CCDC181: variants seen among roughly 807,000 people sequenced by gnomAD.
CCDC181 encodes coiled-coil domain containing 181, also known as coiled-coil domain-containing protein 181.
A neutral mutation model predicts 58.7 loss-of-function variants in CCDC181; 35 were observed. The observed-to-expected ratio is 0.60, with a 90% CI of 0.46 to 0.79. The LOEUF (loss-of-function observed/expected upper bound fraction) is 0.79, where lower values mean the gene tolerates loss of function less well. CCDC181 is among the 30% of genes least tolerant of loss of function. CCDC181 has a pLI of 0.00. For missense variants in CCDC181, 517 were observed against 583.9 expected (o/e 0.89, Z 1.18); for synonymous variants, 183 against 197.5 (o/e 0.93, Z 0.62).
chr1:169,452,485 G>A (rs1295826108), intron 2 of CCDC181: 2 of 152,086 alleles, frequency 1.3e-5, no homozygotes, highest in East Asian at 3.9e-4. Flanking sequence ...GCAGGAGGTA[G>A]AATGGCACAG....
At chr1:169,406,308 A>G (rs1655653207) in intron 4 of CCDC181, among the ~76,000 whole-genome samples, 1 of 152,246 alleles carries the variant, frequency 6.6e-6, no homozygotes, top group South Asian at 2.1e-4. Context: ...TATATACCCA[A>G]AGGATTATAA....
rs1178593693 is a variant in CCDC181, at chr1:169,421,977, G to A, written c.454C>T (p.Leu152Phe). 2 of 1,613,910 alleles carry A rather than the reference G, an allele frequency of 1.2e-6. No individual in the cohort carries two copies. Among genetic ancestry groups the A allele is most frequent in the Admixed American group, 3.3e-5 (2 of 59,952 alleles). Reference sequence around the variant, plus strand: ...TCAACTAACTGGTCCTTGAACTTAAGTTTTCGCTCCCTTTTATCATTCACC... The same window carrying A: ...TCAACTAACTGGTCCTTGAACTTAAATTTTCGCTCCCTTTTATCATTCACC... Reference protein sequence around the residue: ...EPVNDKRERKLKFKDQLVDLE... With the variant: ...EPVNDKRERKFKFKDQLVDLE... The change falls in exon 3 of 6, where the codon CTT becomes TTT. Residue 152 changes from leucine (L) to phenylalanine (F), a missense_variant. Coordinates refer to ENST00000367806, the MANE Select transcript of CCDC181 (RefSeq NM_001300969.2).
chr1:169,396,373 G>A (rs1655035638), intron 5 of CCDC181: 1 of 152,172 alleles, frequency 6.6e-6, no homozygotes, highest in African/African-American at 2.4e-5. Flanking sequence ...GAGCAACATG[G>A]TGAGACCCCA....
chr1:169,445,002 T>G (rs1348128221), intron 2 of CCDC181, among the ~76,000 whole-genome samples: 1 of 152,180 alleles, frequency 6.6e-6, no homozygotes, highest in African/African-American at 2.4e-5. Context: ...TCCTACATAA[T>G]CAGGCCCCTT....
intron 2 of CCDC181, among the ~76,000 whole-genome samples, chr1:169,423,532 A>G (rs1037999383): frequency 6.6e-6 from 1 of 151,960 alleles, no homozygotes; most frequent in Non-Finnish European, 1.5e-5. Flanking sequence ...AAAAGCCTCA[A>G]AAGAAGAGGT....
chr1:169,448,370 G>T (rs1161968351), intron 2 of CCDC181, among the ~76,000 whole-genome samples: 1 of 150,760 alleles, frequency 6.6e-6, no homozygotes, highest in Non-Finnish European at 1.5e-5. Flanking sequence ...GGGTAGATCT[G>T]CTTGCAATGA....
chr1:169,411,149 T>A (rs867871684), intron 4 of CCDC181, among the ~76,000 whole-genome samples: 5 of 151,722 alleles, frequency 3.3e-5, no homozygotes, highest in Middle Eastern at 3.4e-3. Flanking sequence ...TCCAGACTAA[T>A]AAAGAATAAA....
At position 169,404,305 on chromosome 1, in the gene CCDC181, C is replaced by T. The variant is rs571152615; in HGVS notation, c.1216-6914G>A. ...GAAAAAGAGGGAATCCTCCCTAACT[C>T]GTTATAAGGCCAGCATCATCCTGAT... is the stretch of plus-strand genomic sequence containing the variant. On this transcript the variant is annotated intron_variant, in intron 4 of 5. Coordinates refer to ENST00000367806, the MANE Select transcript of CCDC181 (RefSeq NM_001300969.2). Among the ~76,000 whole-genome samples the T allele has an allele frequency of 1.3e-4, 20 of 151,970 alleles. No homozygotes were observed. The South Asian group carries it at 4.2e-3, about 32-fold the overall frequency.
At chr1:169,436,279 A>G (rs12092506) in intron 2 of CCDC181, among the ~76,000 whole-genome samples, 6,804 of 152,292 alleles carry the variant, frequency 0.045, 212 homozygotes, top group East Asian at 0.12. Flanking sequence ...TAACTATCCC[A>G]AAGACAGTAT....
At chr1:169,451,672 T>A (rs1657542537) in intron 2 of CCDC181, among the ~76,000 whole-genome samples, 1 of 150,704 alleles carries the variant, frequency 6.6e-6, no homozygotes, top group South Asian at 2.1e-4. Context: ...AATACCCAGG[T>A]AACAAGCATA....
intron 2 of CCDC181, among the ~76,000 whole-genome samples, chr1:169,450,467 G>A (rs953188871): frequency 6.6e-6 from 1 of 152,072 alleles, no homozygotes; most frequent in Non-Finnish European, 1.5e-5. Context: ...GTTTCTCCAC[G>A]TTATGGTATG....
intron 2 of CCDC181, among the ~76,000 whole-genome samples, chr1:169,436,728 T>A (rs540893446): frequency 6.6e-6 from 1 of 152,322 alleles, no homozygotes; most frequent in East Asian, 1.9e-4. Context: ...TATTACCTCT[T>A]TAGTAAGGCA....
chr1:169,429,513 G>A (rs1341339687), upstream of CCDC181, among the ~76,000 whole-genome samples: 1 of 152,078 alleles, frequency 6.6e-6, no homozygotes, highest in Non-Finnish European at 1.5e-5. Flanking sequence ...GAGTAAGGTG[G>A]TATCGTATTG....
Position 169,421,776 on chromosome 1 carries a change from C to T in CCDC181, c.655G>A (p.Val219Ile), listed in dbSNP as rs370722758. ...CEENKDRTIL[V>I]ERDGKFELLN... Reference sequence around the variant, plus strand: ...AGTTCAAATTTTCCATCTCTCTCTACCAGTATTGTCCTATCCTTGTTTTCT... The same window carrying T: ...AGTTCAAATTTTCCATCTCTCTCTATCAGTATTGTCCTATCCTTGTTTTCT... The change falls in exon 3 of 6, where the codon GTA becomes ATA. Residue 219 changes from valine (V) to isoleucine (I), a missense_variant. By Grantham distance (29) the Val-to-Ile change is conservative. Transcript: ENST00000367806. The T allele has an allele frequency of 8.7e-6, 14 of 1,614,110 alleles. No individual in the cohort carries two copies. Among genetic ancestry groups the T allele is most frequent in the Non-Finnish European group, 6.8e-6 (8 of 1,180,004 alleles).
At chr1:169,434,485 A>G (rs997186716) in intron 2 of CCDC181, among the ~76,000 whole-genome samples, 3 of 152,064 alleles carry the variant, frequency 2.0e-5, no homozygotes, top group African/African-American at 7.2e-5. Flanking sequence ...TTGTACAGTC[A>G]TGTTCATAGA....
chr1:169,399,471 A>G (rs1446288958), intron 4 of CCDC181, among the ~76,000 whole-genome samples: 1 of 152,256 alleles, frequency 6.6e-6, no homozygotes, highest in African/African-American at 2.4e-5. Flanking sequence ...AAATTACAGC[A>G]GAACTATCAT....
chr1:169,434,196 C>G (rs1656994426), intron 2 of CCDC181, among the ~76,000 whole-genome samples: 2 of 151,926 alleles, frequency 1.3e-5, no homozygotes, highest in Non-Finnish European at 2.9e-5. Context: ...TGAAAAGATG[C>G]TAACTATCAC....
At chr1:169,429,882 G>A (rs1295170800), upstream of CCDC181, among the ~76,000 whole-genome samples, 2 of 152,146 alleles carry the variant, frequency 1.3e-5, no homozygotes, top group African/African-American at 4.8e-5. Context: ...CTTTGCCAAC[G>A]CCAATGTCTA....
chr1:169,424,650 C>A (rs16862153), intron 2 of CCDC181, among the ~76,000 whole-genome samples, 161 bp downstream of exon 2: 13 of 151,738 alleles, frequency 8.6e-5, no homozygotes, highest in African/African-American at 2.9e-4. Context: ...AAGCAATCTA[C>A]GCCTCATTTT....
Sources: allele counts gnomAD v4.1 joint callset (sites outside exome capture counted in the v4.1 genomes callset), GRCh38; gene constraint gnomAD v4.1.1; transcripts MANE v1.5; gene names NCBI Gene and HGNC (gene_info 2026-07-23, HGNC 2026-07-21).